ZNF644: variants seen among roughly 807,000 people sequenced by gnomAD.
The protein encoded by ZNF644 is zinc finger protein 644, also known as zinc finger motif enhancer binding protein 2.
A neutral mutation model predicts 108.0 loss-of-function variants in ZNF644; 20 were observed. The observed-to-expected ratio is 0.19, with a 90% CI of 0.13 to 0.27. ZNF644 has a LOEUF of 0.27. Among genes scored for constraint, ZNF644 ranks in the 10% least tolerant of loss-of-function variants. ZNF644 has a pLI of 1.00. For synonymous variants in ZNF644, 542 were observed against 539.1 expected (o/e 1.01, Z -0.08); for missense variants, 1,338 against 1,548.9 (o/e 0.86, Z 2.29).
chr1:91,014,765 G>A (rs1308803121), intron 1 of ZNF644, among the ~76,000 whole-genome samples: 1 of 152,092 alleles, frequency 6.6e-6, no homozygotes, highest in East Asian at 1.9e-4. Flanking sequence ...GGAGAAAAAT[G>A]TTTTTATAAT....
intron 1 of ZNF644, among the ~76,000 whole-genome samples, chr1:91,005,486 C>T (rs1164210119): frequency 6.6e-6 from 1 of 152,102 alleles, no homozygotes; most frequent in East Asian, 1.9e-4. Flanking sequence ...CACCTAACAA[C>T]AGCAGAGTAA....
chr1:90,924,202 T>C (rs1644068317), intron 4 of ZNF644, among the ~76,000 whole-genome samples: 1 of 152,184 alleles, frequency 6.6e-6, no homozygotes, highest in African/African-American at 2.4e-5. Context: ...ACTGGTCAGC[T>C]GAGTTGATAG....
chr1:90,930,554 C>CA (rs1413643063), intron 4 of ZNF644, among the ~76,000 whole-genome samples: 6 of 152,058 alleles, frequency 3.9e-5, no homozygotes, highest in Non-Finnish European at 7.4e-5. Flanking sequence ...GAGAAAGAGG[C>CA]AGTTAGGGCA....
intron 1 of ZNF644, among the ~76,000 whole-genome samples, chr1:90,994,228 T>C (rs1309309269): frequency 1.3e-5 from 2 of 152,170 alleles, no homozygotes; most frequent in Non-Finnish European, 2.9e-5. Flanking sequence ...TGTTCAGGGA[T>C]GAAATTACTA....
At position 90,916,351 on chromosome 1, in the gene ZNF644, T is replaced by TA. The variant is rs1177299237; in HGVS notation, c.*446dup. On this transcript the variant is annotated 3_prime_UTR_variant, in exon 6 of 6. Transcript: ENST00000337393. ...TTTAATGCCCTAATTTGAGTAAATT[T>TA]AGTCAGCGGTTCTTGGTATTATACA... The TA allele has an allele frequency of 1.7e-5, 3 of 177,964 alleles. No individual in the cohort carries two copies. The highest frequency in any genetic ancestry group is 7.2e-5 in the African/African-American group (3 of 41,646). 11.0% of individuals were successfully genotyped at this position (177,964 alleles called of 1,614,324 possible).
At chr1:90,941,480 A>G (rs992183806) in intron 2 of ZNF644, among the ~76,000 whole-genome samples, 171 bp from the exon 3 acceptor site, 9 of 152,178 alleles carry the variant, frequency 5.9e-5, no homozygotes, top group African/African-American at 2.2e-4. Flanking sequence ...ATATTTAAAA[A>G]GCACCTCAAA....
intron 1 of ZNF644, among the ~76,000 whole-genome samples, chr1:91,008,824 A>G (rs1659680143): frequency 6.6e-6 from 1 of 152,228 alleles, no homozygotes; most frequent in Admixed American, 6.5e-5. Context: ...GCACAGATGA[A>G]GGTGATACAT....
chr1:90,971,142 A>G (rs1655424681), intron 2 of ZNF644, among the ~76,000 whole-genome samples: 1 of 152,036 alleles, frequency 6.6e-6, no homozygotes, highest in Non-Finnish European at 1.5e-5. Flanking sequence ...ACAAAATACT[A>G]GCAAACAAAA....
chr1:91,000,775 G>C (rs1005512732), intron 1 of ZNF644, among the ~76,000 whole-genome samples: 2 of 151,978 alleles, frequency 1.3e-5, no homozygotes, highest in South Asian at 2.1e-4. Flanking sequence ...CAACACAATA[G>C]ATAGACCACT....
chr1:91,007,915 T>C (rs1423162750), intron 1 of ZNF644, among the ~76,000 whole-genome samples: 1 of 152,198 alleles, frequency 6.6e-6, no homozygotes, highest in Non-Finnish European at 1.5e-5. Flanking sequence ...CACTTAAAAG[T>C]TGCCTAGGGA....
At chr1:90,954,609 G>T (rs564433388) in intron 2 of ZNF644, among the ~76,000 whole-genome samples, 1 of 152,274 alleles carries the variant, frequency 6.6e-6, no homozygotes, top group East Asian at 1.9e-4. Context: ...GTTTCACCAT[G>T]TTGGCCAGGT....
chr1:90,984,442 T>A (rs1656882826), intron 1 of ZNF644, among the ~76,000 whole-genome samples: 1 of 151,930 alleles, frequency 6.6e-6, no homozygotes, highest in South Asian at 2.1e-4. Flanking sequence ...TGTCTTTTTT[T>A]TTTTTGGAGA....
At chr1:90,936,937 G>A (rs186655025) in intron 4 of ZNF644, among the ~76,000 whole-genome samples, 12 of 152,112 alleles carry the variant, frequency 7.9e-5, no homozygotes, top group Non-Finnish European at 7.4e-5. Flanking sequence ...AAACTATTCC[G>A]CAATACAATG....
chr1:90,960,827 C>T (rs1272222184), intron 2 of ZNF644, among the ~76,000 whole-genome samples: 1 of 152,012 alleles, frequency 6.6e-6, no homozygotes, highest in African/African-American at 2.4e-5. Context: ...AGGACATTGA[C>T]AAGACTAACA....
At chr1:91,009,948 T>C (rs903163540) in intron 1 of ZNF644, among the ~76,000 whole-genome samples, 1 of 152,180 alleles carries the variant, frequency 6.6e-6, no homozygotes, top group African/African-American at 2.4e-5. Flanking sequence ...TTTAAAACTA[T>C]GCATCCTTAC....
rs762608408 is a variant in ZNF644 at position 90,939,316 on chromosome 1, G to A, written c.2038C>T (p.Arg680Trp). The A allele has an allele frequency of 1.2e-5, 20 of 1,613,884 alleles. No homozygotes were observed. Among genetic ancestry groups the A allele is most frequent in the Middle Eastern group, 1.6e-4 (1 of 6,062 alleles). Residue 680 changes from arginine to tryptophan, a missense_variant, in exon 3 of 6, where the codon CGG (arginine) becomes TGG (tryptophan). Arg to Trp is a moderately radical substitution (Grantham distance 101). Transcript: ENST00000337393. ...QSSSFSKIHK[R>W]PHRIQKARKS... is the part of the protein sequence containing the mutation. Reference sequence around the variant, plus strand: ...CGAGCTTTCTGTATTCTGTGTGGCCGCTTATGAATTTTTGAAAAACTACTT... The same window carrying A: ...CGAGCTTTCTGTATTCTGTGTGGCCACTTATGAATTTTTGAAAAACTACTT...
chr1:90,956,304 G>C lies in ZNF644; in HGVS notation c.45-14995C>G, dbSNP rs560652930. On this transcript the variant is annotated intron_variant, in intron 2 of 5. Transcript: ENST00000337393. ...GAGATACGAATGAGCATATGTTGTT[G>C]AGAAAATGATACCTGTATACTTGCT... is the stretch of plus-strand genomic sequence containing the variant. Among the ~76,000 whole-genome samples the C allele has an allele frequency of 1.6e-4, 25 of 152,342 alleles. No homozygotes were observed. In the South Asian group the frequency reaches 4.3e-3, roughly 27 times the overall value.
intron 1 of ZNF644, among the ~76,000 whole-genome samples, chr1:90,987,634 C>T (rs1657236684): frequency 6.6e-6 from 1 of 151,854 alleles, no homozygotes; most frequent in South Asian, 2.1e-4. Flanking sequence ...CTTCCTCAAA[C>T]TCATAAAGAA....
At chr1:90,960,877 T>C (rs1654269042) in intron 2 of ZNF644, among the ~76,000 whole-genome samples, 1 of 151,764 alleles carries the variant, frequency 6.6e-6, no homozygotes. Context: ...AACAAAGGAG[T>C]AACATCCTCA....
Sources: gnomAD v4.1 joint callset for allele counts (sites outside exome capture counted in the v4.1 genomes callset) on GRCh38, gnomAD v4.1.1 for gene constraint, MANE v1.5 for transcripts, NCBI Gene and HGNC (gene_info 2026-07-23, HGNC 2026-07-21) for gene names.